Variants in SPMIP2 observed in about 807,000 individuals in gnomAD.
The protein encoded by SPMIP2 is protein SPMIP2.
chr4:158,944,103 C>T, the SPMIP2 span, among the ~76,000 whole-genome samples: 2,331 of 152,170 alleles, frequency 0.015, 56 homozygotes, highest in African/African-American at 0.054. Flanking sequence ...ATGCAACCAC[C>T]TTGGCCTCCC....
chr4:158,918,374 T>C, the SPMIP2 span, among the ~76,000 whole-genome samples: 1 of 152,234 alleles, frequency 6.6e-6, no homozygotes, highest in Admixed American at 6.5e-5. Flanking sequence ...TACAGATTAA[T>C]AGCTGGAAAT....
At chr4:158,895,072 A>G in the SPMIP2 span, among the ~76,000 whole-genome samples, 2 of 152,192 alleles carry the variant, frequency 1.3e-5, no homozygotes, top group Non-Finnish European at 2.9e-5. Flanking sequence ...CCTCTGGTGA[A>G]AGACACAGAT....
At chr4:158,941,574 G>A in the SPMIP2 span, among the ~76,000 whole-genome samples, 2 of 152,274 alleles carry the variant, frequency 1.3e-5, no homozygotes, top group Middle Eastern at 3.4e-3. Flanking sequence ...CAAGAGGATT[G>A]TTTGAGCCCA....
chr4:159,057,082 G>A, the SPMIP2 span, among the ~76,000 whole-genome samples: 2 of 152,200 alleles, frequency 1.3e-5, no homozygotes, highest in African/African-American at 4.8e-5. Context: ...CTTAGACCCC[G>A]GATTTAGGAT....
At chr4:159,050,204 ATTTTTTTT>A in the SPMIP2 span, among the ~76,000 whole-genome samples, 1 of 114,508 alleles carries the variant, frequency 8.7e-6, no homozygotes, top group African/African-American at 3.2e-5. Flanking sequence ...CCACCACTGT[ATTTTTTTT>A]TTTTTTTTTT....
chr4:158,978,486 T>C, the SPMIP2 span, among the ~76,000 whole-genome samples: 102 of 152,330 alleles, frequency 6.7e-4, no homozygotes, highest in African/African-American at 2.4e-3. Flanking sequence ...TTTTCTGTCT[T>C]GTTGATTTGT....
At chr4:159,040,361 T>A in the SPMIP2 span, among the ~76,000 whole-genome samples, 2 of 151,756 alleles carry the variant, frequency 1.3e-5, no homozygotes, top group Admixed American at 6.6e-5. Context: ...TTAGTACAGA[T>A]GGGGTTTCAC....
chr4:158,912,057 G>A, the SPMIP2 span, among the ~76,000 whole-genome samples: 1 of 151,798 alleles, frequency 6.6e-6, no homozygotes, highest in Non-Finnish European at 1.5e-5. Flanking sequence ...AATAATGAAT[G>A]TATTATTGTA....
chr4:159,007,155 G>A, the SPMIP2 span: 2 of 818,906 alleles, frequency 2.4e-6, no homozygotes, highest in South Asian at 2.6e-5. Context: ...TGAGACGGGA[G>A]GCCTGTAAAC....
At chr4:158,975,835 G>A in the SPMIP2 span, among the ~76,000 whole-genome samples, 1 of 152,162 alleles carries the variant, frequency 6.6e-6, no homozygotes, top group African/African-American at 2.4e-5. Flanking sequence ...GTTCTGTTAA[G>A]AAAGTCAATG....
At chr4:158,946,769 T>C in the SPMIP2 span, among the ~76,000 whole-genome samples, 2 of 152,192 alleles carry the variant, frequency 1.3e-5, no homozygotes, top group Admixed American at 6.5e-5. Context: ...CCTACTATGA[T>C]TGCAATTAAA....
At chr4:159,035,032 C>T in the SPMIP2 span, 4 of 1,610,612 alleles carry the variant, frequency 2.5e-6, no homozygotes, top group Non-Finnish European at 3.4e-6. Flanking sequence ...AAACTATTTA[C>T]CTGTAAAAAT....
At chr4:158,923,643 T>G in the SPMIP2 span, among the ~76,000 whole-genome samples, 1 of 152,218 alleles carries the variant, frequency 6.6e-6, no homozygotes, top group Admixed American at 6.5e-5. Flanking sequence ...ACATATAAGA[T>G]CATGTTATCA....
At chr4:158,926,327 T>C in the SPMIP2 span, among the ~76,000 whole-genome samples, 15 of 152,268 alleles carry the variant, frequency 9.9e-5, no homozygotes, top group African/African-American at 3.1e-4. Context: ...TATTGATAGC[T>C]ATACATTTCT....
chr4:159,049,752 A>G, the SPMIP2 span, among the ~76,000 whole-genome samples: 2 of 151,594 alleles, frequency 1.3e-5, no homozygotes, highest in East Asian at 1.9e-4. Flanking sequence ...CCTGTTCTCA[A>G]TTTTTTTATA....
the SPMIP2 span, among the ~76,000 whole-genome samples, chr4:159,033,918 T>C: frequency 4.6e-5 from 7 of 152,124 alleles, no homozygotes; most frequent in Non-Finnish European, 1.0e-4. Flanking sequence ...AGGTCAGGAG[T>C]TCGAGACCAG....
the SPMIP2 span, among the ~76,000 whole-genome samples, chr4:158,913,892 C>T: frequency 6.7e-6 from 1 of 149,522 alleles, no homozygotes; most frequent in East Asian, 1.9e-4. Context: ...ATCATGTCTG[C>T]AACTTGCACT....
chr4:159,017,004 C>G, the SPMIP2 span, among the ~76,000 whole-genome samples: 1 of 152,200 alleles, frequency 6.6e-6, no homozygotes, highest in Non-Finnish European at 1.5e-5. Flanking sequence ...TTGGAGGGAG[C>G]AGGTGGGAGC....
the SPMIP2 span, among the ~76,000 whole-genome samples, chr4:159,005,135 G>A: frequency 9.1e-6 from 1 of 110,384 alleles, no homozygotes; most frequent in South Asian, 2.9e-4. Context: ...AGAGGCTGAG[G>A]CAGAAGAATC....
Sources: gnomAD v4.1 joint callset for allele counts (sites outside exome capture counted in the v4.1 genomes callset) on GRCh38, gnomAD v4.1.1 for gene constraint, MANE v1.5 for transcripts, NCBI Gene and HGNC (gene_info 2026-07-23, HGNC 2026-07-21) for gene names.